The following SORBS2 variants were observed in gnomAD, a reference collection of about 807,000 sequenced individuals.
SORBS2 encodes sorbin and SH3 domain-containing protein 2.
SORBS2 carries 46 observed loss-of-function variants against 97.7 expected under a neutral mutation model. The ratio of observed to expected loss-of-function variants is 0.47; its 90% CI spans 0.37 to 0.60. SORBS2 has a LOEUF of 0.60. Among genes scored for constraint, SORBS2 ranks in the 20% least tolerant of loss-of-function variants. SORBS2 has a pLI of 0.00. For missense variants in SORBS2, 1,316 were observed against 1,282.3 expected, an observed-to-expected ratio of 1.03 and a Z score of -0.40; for synonymous variants, 476 against 473.4, an observed-to-expected ratio of 1.01 and a Z score of -0.07.
intron 1 of SORBS2, among the ~76,000 whole-genome samples, chr4:185,876,705 A>T (rs2099233887): frequency 6.6e-6 from 1 of 152,234 alleles, no homozygotes; most frequent in South Asian, 2.1e-4. Flanking sequence ...TATGTACCAT[A>T]ATTCAAATTA....
chr4:185,889,859 C>T (rs560118134), intron 1 of SORBS2, among the ~76,000 whole-genome samples: 1 of 152,246 alleles, frequency 6.6e-6, no homozygotes, highest in African/African-American at 2.4e-5. Context: ...ATTCCACTCA[C>T]TCCCCCACAA....
At chr4:185,651,804 G>A (rs763769618) in intron 2 of SORBS2, 1 of 1,503,116 alleles carries the variant, frequency 6.7e-7, no homozygotes, top group Non-Finnish European at 9.2e-7. Flanking sequence ...TGTATAAGGA[G>A]TATTATACAT....
intron 1 of SORBS2, among the ~76,000 whole-genome samples, chr4:185,781,641 C>CA (rs2099030807): frequency 2.7e-5 from 1 of 36,626 alleles, no homozygotes; most frequent in Non-Finnish European, 1.0e-4. Context: ...CCATTGCCTC[C>CA]GGCCTCTCCA....
chr4:185,923,369 C>G (rs2099261871), intron 1 of SORBS2, among the ~76,000 whole-genome samples: 1 of 151,982 alleles, frequency 6.6e-6, no homozygotes, highest in Non-Finnish European at 1.5e-5. Context: ...GTGGTGCCAT[C>G]ATTACTCACT....
chr4:185,754,679 TGCAGCTCAGTG>T (rs2098820595), intron 2 of SORBS2, among the ~76,000 whole-genome samples: 1 of 152,138 alleles, frequency 6.6e-6, no homozygotes. Context: ...GAATATCCAG[TGCAGCTCAGTG>T]GAGTGTGGGG....
intron 1 of SORBS2, among the ~76,000 whole-genome samples, chr4:185,789,983 C>T (rs180908857): frequency 1.6e-3 from 246 of 152,216 alleles, no homozygotes; most frequent in African/African-American, 5.4e-3. Flanking sequence ...CTACATTTGC[C>T]GTTATCTGTT....
chr4:185,672,980 T>C (rs1364489733), intron 4 of SORBS2, among the ~76,000 whole-genome samples: 1 of 152,192 alleles, frequency 6.6e-6, no homozygotes, highest in Non-Finnish European at 1.5e-5. Flanking sequence ...TGTCCATTGA[T>C]GGACAAATAG....
intron 2 of SORBS2, among the ~76,000 whole-genome samples, chr4:185,728,618 C>T (rs2098584350): frequency 6.6e-6 from 1 of 152,208 alleles, no homozygotes; most frequent in Admixed American, 6.5e-5. Context: ...AAAGGATGCG[C>T]AGGAGCACTC....
intron 2 of SORBS2, among the ~76,000 whole-genome samples, chr4:185,743,953 T>C (rs569716863): frequency 2.1e-5 from 3 of 145,632 alleles, no homozygotes; most frequent in African/African-American, 2.6e-5. Flanking sequence ...TCCTCCTCCT[T>C]CTTCTCCTTC....
intron 2 of SORBS2, chr4:185,757,028 A>G (rs1277572839): frequency 1.0e-5 from 9 of 893,578 alleles, no homozygotes; most frequent in Non-Finnish European, 1.7e-5. Flanking sequence ...GAGTGGCATC[A>G]ATGTCTTGCA....
intron 12 of SORBS2, among the ~76,000 whole-genome samples, chr4:185,601,372 G>A (rs1278987000): frequency 6.6e-6 from 1 of 152,126 alleles, no homozygotes; most frequent in East Asian, 1.9e-4. Flanking sequence ...TCTGGGACTT[G>A]GCCTTCAAGG....
At chr4:185,858,675 A>T (rs573854203) in intron 1 of SORBS2, among the ~76,000 whole-genome samples, 5 of 152,290 alleles carry the variant, frequency 3.3e-5, no homozygotes, top group African/African-American at 1.2e-4. Context: ...AACCCACATC[A>T]CCTACCATGA....
intron 12 of SORBS2, among the ~76,000 whole-genome samples, chr4:185,595,250 C>T (rs773945316): frequency 1.3e-5 from 2 of 152,126 alleles, no homozygotes; most frequent in Non-Finnish European, 2.9e-5. Context: ...ACTCAACAGT[C>T]TGTGGATAGA....
chr4:185,816,824 A>G (rs7673424), intron 1 of SORBS2, among the ~76,000 whole-genome samples: 89,722 of 152,098 alleles, frequency 0.59, 26,637 homozygotes, highest in Middle Eastern at 0.74. Context: ...CTTGCCAGAG[A>G]GCAAATGATA....
intron 3 of SORBS2, among the ~76,000 whole-genome samples, chr4:185,648,528 G>A (rs2097255907): frequency 1.3e-5 from 2 of 151,134 alleles, no homozygotes; most frequent in Admixed American, 6.6e-5. Context: ...GAGCCACCAC[G>A]CCTGGCCTGA....
At chr4:185,697,937 T>C (rs1484687570) in intron 2 of SORBS2, among the ~76,000 whole-genome samples, 1 of 152,218 alleles carries the variant, frequency 6.6e-6, no homozygotes, top group Non-Finnish European at 1.5e-5. Context: ...AATATAAAAA[T>C]CATCTGATAT....
chr4:185,782,300 G>T (rs1307252271), intron 1 of SORBS2, among the ~76,000 whole-genome samples: 1 of 152,236 alleles, frequency 6.6e-6, no homozygotes, highest in Non-Finnish European at 1.5e-5. Flanking sequence ...GTCTTAAGAG[G>T]CAGGTGCCAC....
At chr4:185,904,831 G>A (rs527779128) in intron 1 of SORBS2, among the ~76,000 whole-genome samples, 11 of 152,310 alleles carry the variant, frequency 7.2e-5, no homozygotes, top group Admixed American at 1.3e-4. Context: ...TAGGCCGGGC[G>A]CAGTGGCTCA....
intron 2 of SORBS2, among the ~76,000 whole-genome samples, chr4:185,681,167 G>T (rs1009297457): frequency 1.1e-4 from 17 of 152,258 alleles, no homozygotes; most frequent in South Asian, 1.0e-3. Flanking sequence ...GGTCTCTCAA[G>T]GAGACTAAAG....
Sources: allele counts gnomAD v4.1 joint callset (sites outside exome capture counted in the v4.1 genomes callset), GRCh38; gene constraint gnomAD v4.1.1; transcripts MANE v1.5; gene names NCBI Gene and HGNC (gene_info 2026-07-23, HGNC 2026-07-21).